The following CPNE8 variants were observed in gnomAD, a reference collection of about 807,000 sequenced individuals.
The protein encoded by CPNE8 is copine 8.
CPNE8 carries 45 observed loss-of-function variants against 81.5 expected under a neutral mutation model. The observed-to-expected ratio is 0.55, with a 90% confidence interval of 0.44 to 0.71. The LOEUF (loss-of-function observed/expected upper bound fraction) is 0.71, where lower values mean the gene tolerates loss of function less well. Ranked by LOEUF, CPNE8 falls within the 30% of genes least tolerant of loss-of-function variation. The probability of loss-of-function intolerance (pLI) is 0.00; values close to 1 mark genes in which losing one functional copy is unlikely to be tolerated. For synonymous variants in CPNE8, 252 were observed against 226.3 expected (o/e 1.11, Z -1.02); for missense variants, 594 against 672.1 (o/e 0.88, Z 1.28).
At chr12:38,803,567 A>C (rs1268064569) in intron 6 of CPNE8, among the ~76,000 whole-genome samples, 5 of 135,928 alleles carry the variant, frequency 3.7e-5, no homozygotes, top group Non-Finnish European at 4.8e-5. Context: ...AATGGGCAAA[A>C]ACTGGAAGCA....
chr12:38,898,211 T>G (rs552728881), intron 1 of CPNE8, among the ~76,000 whole-genome samples: 9 of 152,244 alleles, frequency 5.9e-5, no homozygotes, highest in Non-Finnish European at 1.2e-4. Flanking sequence ...ATTCTCCACA[T>G]ACCAGGGCTG....
At chr12:38,776,356 A>G (rs1355815824) in intron 6 of CPNE8, 55 bp from the exon 7 acceptor site, 19 of 564,916 alleles carry the variant, frequency 3.4e-5, no homozygotes, top group Non-Finnish European at 2.7e-6. Context: ...AATACTATAT[A>G]ATATAAATTT....
At chr12:38,710,168 T>C (rs951348805) in intron 13 of CPNE8, among the ~76,000 whole-genome samples, 1 of 149,670 alleles carries the variant, frequency 6.7e-6, no homozygotes, top group Non-Finnish European at 1.5e-5. Context: ...CTTATCTTCA[T>C]GCAATTCAAG....
intron 16 of CPNE8, among the ~76,000 whole-genome samples, chr12:38,683,795 G>C (rs1169911493): frequency 2.0e-5 from 3 of 151,938 alleles, no homozygotes. Context: ...AGAATTATTA[G>C]ATCATAGTTT....
chr12:38,685,556 C>T lies in CPNE8; in HGVS notation c.1205G>A (p.Arg402Lys), dbSNP rs1286509527. ...ATATAGTTGTACAGATTTCAGACTC[C>T]TGTAATAAGCCTCCATGACCCCCTC... ...GIEGVMEAYY[R>K]SLKSVQLYGP... The change falls in exon 16 of 20, where the codon AGG (arginine) becomes AAG (lysine). Residue 402 changes from arginine to lysine, a missense_variant. Arg to Lys is a conservative substitution (Grantham distance 26). Coordinates refer to ENST00000331366, the MANE Select transcript of CPNE8 (RefSeq NM_153634.3). 2 of 1,613,502 alleles carry T rather than the reference C, an allele frequency of 1.2e-6. No individual in the cohort carries two copies. Among genetic ancestry groups the T allele is most frequent in the African/African-American group, 2.7e-5 (2 of 74,878 alleles).
intron 3 of CPNE8, among the ~76,000 whole-genome samples, chr12:38,864,217 A>T (rs1943884078): frequency 6.6e-6 from 1 of 152,168 alleles, no homozygotes; most frequent in Non-Finnish European, 1.5e-5. Context: ...AATATCCTAG[A>T]AATAGGGTTC....
chr12:38,784,682 TTCAGTGAAATCTTTC>T (rs1942136245), intron 6 of CPNE8, among the ~76,000 whole-genome samples: 1 of 152,112 alleles, frequency 6.6e-6, no homozygotes, highest in African/African-American at 2.4e-5. Flanking sequence ...CAGCAGACTT[TTCAGTGAAATCTTTC>T]CAGGACACAA....
At chr12:38,904,746 C>G (rs965328281) in intron 1 of CPNE8, among the ~76,000 whole-genome samples, 1 of 152,064 alleles carries the variant, frequency 6.6e-6, no homozygotes, top group African/African-American at 2.4e-5. Flanking sequence ...GGAATACAGG[C>G]GTATAAACTG....
intron 6 of CPNE8, among the ~76,000 whole-genome samples, chr12:38,815,454 C>T (rs149939289): frequency 4.5e-4 from 69 of 152,280 alleles, no homozygotes; most frequent in African/African-American, 1.2e-3. Context: ...CTTTCCTCAA[C>T]TAAAAATAAA....
chr12:38,821,547 C>T (rs1943110728), intron 6 of CPNE8, among the ~76,000 whole-genome samples: 1 of 152,120 alleles, frequency 6.6e-6, no homozygotes, highest in Non-Finnish European at 1.5e-5. Flanking sequence ...ACATGTCACA[C>T]CAAGTCAGAA....
At chr12:38,839,282 T>A (rs566824333) in intron 5 of CPNE8, among the ~76,000 whole-genome samples, 2 of 152,144 alleles carry the variant, frequency 1.3e-5, no homozygotes, top group African/African-American at 4.8e-5. Flanking sequence ...TTCTTTTCTG[T>A]CTAGCTCTGA....
intron 1 of CPNE8, among the ~76,000 whole-genome samples, chr12:38,890,124 G>A (rs1944292414): frequency 6.6e-6 from 1 of 152,042 alleles, no homozygotes; most frequent in South Asian, 2.1e-4. Context: ...TCTTCACCTT[G>A]TATTACCATT....
At chr12:38,894,892 G>A (rs1329921252) in intron 1 of CPNE8, among the ~76,000 whole-genome samples, 1 of 152,076 alleles carries the variant, frequency 6.6e-6, no homozygotes, top group Non-Finnish European at 1.5e-5. Context: ...AGTTATAGGA[G>A]ATGGATGCAA....
At chr12:38,797,432 C>G (rs1056233144) in intron 6 of CPNE8, among the ~76,000 whole-genome samples, 3 of 152,286 alleles carry the variant, frequency 2.0e-5, no homozygotes, top group Non-Finnish European at 4.4e-5. Flanking sequence ...GATACCCAGG[C>G]AAACAGGGTC....
intron 4 of CPNE8, among the ~76,000 whole-genome samples, chr12:38,840,235 C>G (rs192649493): frequency 4.6e-5 from 7 of 152,218 alleles, no homozygotes; most frequent in Admixed American, 3.3e-4. Flanking sequence ...TTTCTCTTTT[C>G]TGTGCATAAG....
At position 38,703,026 on chromosome 12, in the gene CPNE8, G is replaced by A. The variant is rs1020483429; in HGVS notation, c.915-105C>T. 2.5e-5 allele frequency: 19 copies of A among 774,538 alleles called. No individual in the cohort carries two copies. In the Admixed American group the frequency reaches 3.4e-4, roughly 14 times the overall value. The allele number at this position is 774,538 out of a possible 1,614,324, so 48.0% of individuals were successfully genotyped here. ...TTTAATGTCACTGATTTTCTCAAAC[G>A]TTAATTAAGAGCAATATATTACAGT... On this transcript the variant is annotated intron_variant, in intron 13 of 19. Transcript: ENST00000331366.
At chr12:38,686,014 G>A (rs1408909347) in intron 15 of CPNE8, among the ~76,000 whole-genome samples, 1 of 152,076 alleles carries the variant, frequency 6.6e-6, no homozygotes, top group Non-Finnish European at 1.5e-5. Flanking sequence ...GGCTACCTCT[G>A]GGTGGTTAGA....
At chr12:38,784,317 G>A (rs1942123676) in intron 6 of CPNE8, among the ~76,000 whole-genome samples, 1 of 152,022 alleles carries the variant, frequency 6.6e-6, no homozygotes, top group Admixed American at 6.5e-5. Context: ...CGGACATTCA[G>A]AGAAGACAAA....
intron 19 of CPNE8, among the ~76,000 whole-genome samples, chr12:38,656,065 A>G (rs1469283230): frequency 6.6e-6 from 1 of 151,630 alleles, no homozygotes; most frequent in African/African-American, 2.4e-5. Context: ...AGCTATGGAC[A>G]AGACTTGACA....
Sources: gnomAD v4.1 joint callset for allele counts (sites outside exome capture counted in the v4.1 genomes callset) on GRCh38, gnomAD v4.1.1 for gene constraint, MANE v1.5 for transcripts, NCBI Gene and HGNC (gene_info 2026-07-23, HGNC 2026-07-21) for gene names.